The following SEPTIN4 variants were observed in gnomAD, a reference collection of about 807,000 sequenced individuals.
SEPTIN4 encodes septin-4.
Under a neutral mutation model 107.1 loss-of-function variants are expected in SEPTIN4, and 52 were observed. That is an observed-to-expected ratio of 0.49 (90% CI 0.39 to 0.61). SEPTIN4 has a LOEUF of 0.61. SEPTIN4 is among the 20% of genes least tolerant of loss of function. The probability of loss-of-function intolerance (pLI) is 0.00; values close to 1 mark genes in which losing one functional copy is unlikely to be tolerated. For synonymous variants in SEPTIN4, 417 were observed against 467.0 expected (o/e 0.89, Z 1.38); for missense variants, 1,048 against 1,243.5 (o/e 0.84, Z 2.36).
intron 3 of SEPTIN4, among the ~76,000 whole-genome samples, 166 bp downstream of exon 3, chr17:58,540,500 C>T (rs2043849490): frequency 6.6e-6 from 1 of 152,204 alleles, no homozygotes; most frequent in Admixed American, 6.5e-5. Flanking sequence ...TTCAGCCCCC[C>T]ACTTGCCCCC....
In SEPTIN4 at chr17:58,543,568, T is replaced by C. The variant is rs1387425135; in HGVS notation, c.619A>G (p.Ile207Val). The change falls in exon 1 of 14, where the codon ATC (isoleucine) becomes GTC (valine). Residue 207 changes from isoleucine (I) to valine (V), a missense_variant. Coordinates refer to ENST00000672673, the MANE Select transcript of SEPTIN4 (RefSeq NM_001368771.2). ...TCACTAGTAGTCGTAATTCTTTGGA[T>C]GGGCTCAGTTTGTACTGCTTCATCC... is the stretch of plus-strand genomic sequence containing the variant. ...PKDEAVQTEP[I>V]QRITTTSEIR... is the part of the protein sequence containing the mutation. 6.2e-7 allele frequency: 1 copy of C among 1,614,230 alleles called. No individual in the cohort carries two copies. The highest frequency in any genetic ancestry group is 2.2e-5 in the East Asian group (1 of 44,882).
chr17:58,526,153 TC>T (rs947528704), intron 5 of SEPTIN4, 66 bp downstream of exon 5: 7 of 1,458,842 alleles, frequency 4.8e-6, no homozygotes, highest in Admixed American at 4.9e-5. Context: ...CCCTTCCCAC[TC>T]ACGGACACAC....
chr17:58,542,208 C>T (rs1440517111), intron 1 of SEPTIN4, among the ~76,000 whole-genome samples: 1 of 152,156 alleles, frequency 6.6e-6, no homozygotes, highest in Non-Finnish European at 1.5e-5. Flanking sequence ...GGAATCCCAG[C>T]TCATCTGCAT....
chr17:58,537,447 C>T (rs1390348134), intron 3 of SEPTIN4, among the ~76,000 whole-genome samples: 1 of 152,142 alleles, frequency 6.6e-6, no homozygotes, highest in East Asian at 1.9e-4. Flanking sequence ...AATTGGCTGC[C>T]CATGGTAGCT....
At position 58,521,476 on chromosome 17, in the gene SEPTIN4, T is replaced by C; in HGVS notation, c.2571+69A>G. Reference sequence around the variant, plus strand: ...CTTTCCCACCCTGATAGCCTGAATATAGAATTCTACTCCCTTTTTCTACCC... The same window carrying C: ...CTTTCCCACCCTGATAGCCTGAATACAGAATTCTACTCCCTTTTTCTACCC... On this transcript the variant is annotated intron_variant, in intron 10 of 13. Transcript: ENST00000672673. This position sits in a 1 kb window ranked among gnomAD's most constrained non-coding sequence, Gnocchi z 6.4. The C allele has an allele frequency of 2.5e-6, 4 of 1,583,456 alleles. No individual in the cohort carries two copies. Among genetic ancestry groups the C allele is most frequent in the Admixed American group, 1.7e-5 (1 of 59,800 alleles).
intron 3 of SEPTIN4, chr17:58,529,103 G>A (rs2043231798): frequency 6.2e-7 from 1 of 1,614,132 alleles, no homozygotes. Context: ...ATCTCCCAGA[G>A]CAGCACCTTA....
Position 58,542,641 on chromosome 17 carries a change from TA to T in SEPTIN4, c.1545del (p.Phe515LeufsTer20). ...CTTCACATACCCAGGAAGAAAGCAG[TA>T]AACCTTTGAATGGGTTGTTTGCAGG... Reference protein sequence around the residue: ...KHTCKQPIQRFTAFFLDVSEE... With the variant: ...KHTCKQPIQRXTAFFLDVSEE... On this transcript the variant is annotated frameshift_variant, in exon 1 of 14. Transcript: ENST00000672673. LOFTEE classifies it high-confidence loss of function. 1 of 1,612,124 alleles carries T rather than the reference TA, an allele frequency of 6.2e-7. No individual in the cohort carries two copies. Among genetic ancestry groups the T allele is most frequent in the Non-Finnish European group, 8.5e-7 (1 of 1,179,176 alleles).
rs1040762002 is a variant in SEPTIN4 at position 58,538,282 on chromosome 17, T to A, written c.1614+2384A>T. On this transcript the variant is annotated intron_variant, in intron 3 of 13. Transcript: ENST00000672673. This position sits in a 1 kb window ranked among gnomAD's most constrained non-coding sequence, Gnocchi z 4.7. ...ATCATCCCATCCCTTCAGGGTCACA[T>A]GACATGTCATCCAAAAGACACTGAG... Among the ~76,000 whole-genome samples the A allele has an allele frequency of 6.6e-6, 1 of 152,212 alleles. No homozygotes were observed. Among genetic ancestry groups the A allele is most frequent in the African/African-American group, 2.4e-5 (1 of 41,456 alleles).
At chr17:58,524,292 G>T (rs567974783) in intron 7 of SEPTIN4, among the ~76,000 whole-genome samples, 1 of 152,104 alleles carries the variant, frequency 6.6e-6, no homozygotes, top group African/African-American at 2.4e-5. Flanking sequence ...GAATGATAGG[G>T]GGTTGTGGTA....
At chr17:58,541,761 A>T in intron 2 of SEPTIN4, 161 bp downstream of exon 2, 1 of 1,582,200 alleles carries the variant, frequency 6.3e-7, no homozygotes, top group South Asian at 1.1e-5. Context: ...CTAATGGTGA[A>T]ATTTTCAGCA....
At chr17:58,533,978 A>C (rs2043624270) in intron 3 of SEPTIN4, among the ~76,000 whole-genome samples, 1 of 152,156 alleles carries the variant, frequency 6.6e-6, no homozygotes, top group Admixed American at 6.5e-5. Context: ...GCTGAATTCC[A>C]AGTGTGGACA....
intron 6 of SEPTIN4, 162 bp downstream of exon 6, chr17:58,525,533 T>C: frequency 4.6e-6 from 3 of 653,826 alleles, no homozygotes; most frequent in Non-Finnish European, 5.3e-6. Context: ...TTTAGGGAGC[T>C]GGCTGGTGGG....
rs1410586979 is a variant in SEPTIN4, at chr17:58,544,110, G to A, written c.77C>T (p.Ser26Phe). The A allele has an allele frequency of 1.2e-6, 2 of 1,614,008 alleles. No homozygotes were observed. The highest frequency in any genetic ancestry group is 1.7e-6 in the Non-Finnish European group (2 of 1,180,008). ...AACGTACCCATGTCCCTGCTGAGGGGATGTGTTAGTAGTAACCTCAGACCC... is the reference window on the plus strand; with the variant it reads ...AACGTACCCATGTCCCTGCTGAGGGAATGTGTTAGTAGTAACCTCAGACCC... ...QRGSEVTTNTSPQQGHGYVLA... is the reference protein window; with the variant it reads ...QRGSEVTTNTFPQQGHGYVLA... Residue 26 changes from serine to phenylalanine, a missense_variant, in exon 1 of 14, where the codon TCC becomes TTC. Around this residue, in one of 2 missense-constraint regions of SEPTIN4, gnomAD observed 787 missense variants for 871.8 expected, o/e 0.90. Transcript: ENST00000672673.
chr17:58,541,726 G>T (rs765635349), intron 2 of SEPTIN4, 196 bp downstream of exon 2: 19 of 1,473,142 alleles, frequency 1.3e-5, no homozygotes, highest in African/African-American at 4.2e-5. Flanking sequence ...AAATGGAAAA[G>T]GTTCCAAGCC....
At position 58,525,426 on chromosome 17, in the gene SEPTIN4, C is replaced by G. The variant is rs950388195; in HGVS notation, c.2093-225G>C. 4 of 627,454 alleles carry G rather than the reference C, an allele frequency of 6.4e-6. No individual in the cohort carries two copies. The African/African-American group carries it at 7.4e-5, about 12-fold the overall frequency. The allele number at this position is 627,454 out of a possible 1,614,324, so 38.9% of individuals were successfully genotyped here. A position where few individuals can be genotyped will look rare whatever the true frequency, so the allele number is the denominator to read the frequency against. ...GGCTCTGGCCCCAGCCTCTTCTCTG[C>G]TCCCGGTTTTTTTCTTGGATTCCTG... is the stretch of plus-strand genomic sequence containing the variant. On this transcript the variant is annotated intron_variant, in intron 6 of 13. Transcript: ENST00000672673.
Position 58,526,990 on chromosome 17 carries a change from G to A in SEPTIN4, c.1615-12C>T, listed in dbSNP as rs201763239. On this transcript the variant is annotated splice_polypyrimidine_tract_variant and intron_variant, in intron 3 of 13. Transcript: ENST00000672673. Reference sequence around the variant, plus strand: ...AGGAAACGCTTGATCTGGGGGAAGCGGGGTGGGTAGAATAGATGGGTGGTG... The same window carrying A: ...AGGAAACGCTTGATCTGGGGGAAGCAGGGTGGGTAGAATAGATGGGTGGTG... 4.1e-4 allele frequency: 663 copies of A among 1,613,902 alleles called. 2 individuals carry two copies. In the African/African-American group the frequency reaches 7.3e-3, roughly 18 times the overall value.
intron 3 of SEPTIN4, among the ~76,000 whole-genome samples, chr17:58,537,450 T>C (rs1447509553): frequency 1.3e-5 from 2 of 152,158 alleles, no homozygotes; most frequent in African/African-American, 2.4e-5. Flanking sequence ...TGGCTGCCCA[T>C]GGTAGCTGGA....
In SEPTIN4 at chr17:58,520,405, A is replaced by C. The variant is rs766850020; in HGVS notation, c.*21T>G. On this transcript the variant is annotated 3_prime_UTR_variant, in exon 14 of 14. Coordinates refer to ENST00000672673, the MANE Select transcript of SEPTIN4 (RefSeq NM_001368771.2). ...ACAGGAAGAAGAGGAGGAGATTTAA[A>C]TATCCAGGGCTGAAAGCCAGTTAAT... 11 of 1,611,518 alleles carry C rather than the reference A, an allele frequency of 6.8e-6. No individual in the cohort carries two copies. The highest frequency in any genetic ancestry group is 2.1e-4 in the Middle Eastern group (1 of 4,678).
Position 58,542,635 on chromosome 17 carries a change from A to T in SEPTIN4, c.1552T>A (p.Phe518Ile). The T allele has an allele frequency of 6.2e-7, 1 of 1,610,068 alleles. No homozygotes were observed. Among genetic ancestry groups the T allele is most frequent in the South Asian group, 1.1e-5 (1 of 90,498 alleles). Residue 518 changes from phenylalanine to isoleucine, a missense_variant, in exon 1 of 14, where the codon TTC (phenylalanine) becomes ATC (isoleucine). Physicochemically the swap from Phe to Ile is conservative, Grantham distance 21. Transcript: ENST00000672673. ...CTGCTTCTTCACATACCCAGGAAGAAAGCAGTAAACCTTTGAATGGGTTGT... is the reference window on the plus strand; with the variant it reads ...CTGCTTCTTCACATACCCAGGAAGATAGCAGTAAACCTTTGAATGGGTTGT... Reference protein sequence around the residue: ...CKQPIQRFTAFFLDVSEEMYN... With the variant: ...CKQPIQRFTAIFLDVSEEMYN...
Sources: gnomAD v4.1 joint callset for allele counts (sites outside exome capture counted in the v4.1 genomes callset) on GRCh38, gnomAD v4.1.1 for gene constraint, gnomAD v4.1.1 regional missense constraint, Gnocchi (gnomAD v3.1) non-coding constraint, MANE v1.5 for transcripts, NCBI Gene and HGNC (gene_info 2026-07-23, HGNC 2026-07-21) for gene names.